The following PLEKHM3 variants were observed in gnomAD, a reference collection of about 807,000 sequenced individuals.
PLEKHM3 encodes the protein pleckstrin homology domain containing M3.
PLEKHM3 carries 45 observed loss-of-function variants against 81.8 expected under a neutral mutation model. The observed-to-expected ratio is 0.55, with a 90% confidence interval of 0.43 to 0.71. The LOEUF (loss-of-function observed/expected upper bound fraction) is 0.71, where lower values mean the gene tolerates loss of function less well. Ranked by LOEUF, PLEKHM3 falls within the 30% of genes least tolerant of loss-of-function variation. The pLI is 0.00. For missense variants in PLEKHM3, 788 were observed against 924.3 expected, an observed-to-expected ratio of 0.85 and a Z score of 1.91; for synonymous variants, 352 against 356.4, an observed-to-expected ratio of 0.99 and a Z score of 0.14.
intron 7 of PLEKHM3, among the ~76,000 whole-genome samples, chr2:207,860,725 G>A (rs933220651): frequency 3.3e-5 from 5 of 152,104 alleles, no homozygotes; most frequent in African/African-American, 7.2e-5. Flanking sequence ...TACCCCTGGC[G>A]GTCGGTCCAG....
At chr2:208,023,358 C>T (rs1386564301) in intron 1 of PLEKHM3, among the ~76,000 whole-genome samples, 2 of 150,004 alleles carry the variant, frequency 1.3e-5, no homozygotes, top group Non-Finnish European at 2.9e-5. Flanking sequence ...AGTACATTCA[C>T]ATTGTTGTGC....
chr2:207,947,410 T>C (rs1365223775), intron 3 of PLEKHM3, among the ~76,000 whole-genome samples: 2 of 152,222 alleles, frequency 1.3e-5, no homozygotes, highest in Admixed American at 6.5e-5. Flanking sequence ...GTAATAATCA[T>C]AGCCCTTCCA....
chr2:207,918,521 CAACAAACA>C (rs537716018), intron 5 of PLEKHM3, among the ~76,000 whole-genome samples: 2 of 151,600 alleles, frequency 1.3e-5, no homozygotes, highest in African/African-American at 4.8e-5. Context: ...GACTCTGTCT[CAACAAACA>C]AACAAACAAA....
chr2:207,873,930 A>T (rs1409788743), intron 6 of PLEKHM3, among the ~76,000 whole-genome samples: 3 of 152,210 alleles, frequency 2.0e-5, no homozygotes, highest in Admixed American at 1.3e-4. Flanking sequence ...TGATGAGGAA[A>T]AACAAGCCCT....
chr2:207,834,714 C>T (rs1250426975), intron 7 of PLEKHM3, among the ~76,000 whole-genome samples: 2 of 151,878 alleles, frequency 1.3e-5, no homozygotes, highest in Non-Finnish European at 2.9e-5. Flanking sequence ...CGTGAGCCAC[C>T]GTGCCCGGCC....
At chr2:207,973,487 C>G (rs1691194789) in intron 3 of PLEKHM3, among the ~76,000 whole-genome samples, 1 of 152,280 alleles carries the variant, frequency 6.6e-6, no homozygotes, top group African/African-American at 2.4e-5. Flanking sequence ...GCCTGTAATC[C>G]CAGCACTTTG....
chr2:208,000,903 A>G, intron 2 of PLEKHM3, 127 bp downstream of exon 2: 2 of 905,390 alleles, frequency 2.2e-6, no homozygotes, highest in Non-Finnish European at 3.2e-6. Context: ...AGCCAGATTA[A>G]GAGAGACAAA....
intron 7 of PLEKHM3, chr2:207,851,354 T>C (rs1046954607): frequency 8.5e-5 from 13 of 152,210 alleles, no homozygotes; most frequent in African/African-American, 3.1e-4. Context: ...AGCAGTTTTA[T>C]AATTCAGGAT....
intron 3 of PLEKHM3, among the ~76,000 whole-genome samples, chr2:207,956,822 G>A (rs1214372978): frequency 2.2e-5 from 3 of 138,696 alleles, no homozygotes; most frequent in African/African-American, 5.3e-5. Context: ...CTCCCGCCCT[G>A]GCCTCCCAAA....
chr2:207,947,149 A>G (rs1338147947), intron 3 of PLEKHM3, among the ~76,000 whole-genome samples: 1 of 152,072 alleles, frequency 6.6e-6, no homozygotes, highest in East Asian at 1.9e-4. Flanking sequence ...CCCTCCCACT[A>G]CTGTCCAATG....
intron 7 of PLEKHM3, among the ~76,000 whole-genome samples, chr2:207,856,444 A>G (rs1357425292): frequency 6.6e-6 from 1 of 152,242 alleles, no homozygotes; most frequent in South Asian, 2.1e-4. Flanking sequence ...TCACTGTCCT[A>G]CAAATCTCCT....
At position 208,001,378 on chromosome 2, in the gene PLEKHM3, C is replaced by T. The variant is rs766616904; in HGVS notation, c.262G>A (p.Val88Ile). 5.0e-6 allele frequency: 8 copies of T among 1,614,046 alleles called. No homozygotes were observed. Among genetic ancestry groups the T allele is most frequent in the Non-Finnish European group, 5.9e-6 (7 of 1,180,042 alleles). The stretch of plus-strand genomic sequence containing the variant: ...ATAAACTGTTCTTTGGCAGGGAAGA[C>T]ATTTTGAGCTTTGGTTTCTAAGAGC... ...SRLLETKAQN[V>I]FPAKEQFMVQ... The change falls in exon 2 of 8, where the codon GTC becomes ATC. Residue 88 changes from valine (V) to isoleucine (I), a missense_variant. By Grantham distance (29) the Val-to-Ile change is conservative (BLOSUM62 3). Transcript: ENST00000427836.
At chr2:207,898,204 G>T (rs1688304389) in intron 6 of PLEKHM3, among the ~76,000 whole-genome samples, 1 of 152,172 alleles carries the variant, frequency 6.6e-6, no homozygotes, top group African/African-American at 2.4e-5. Flanking sequence ...GTTTTGTTTG[G>T]CCTGCAGAGT....
chr2:207,964,435 C>A (rs1690845662), intron 3 of PLEKHM3, among the ~76,000 whole-genome samples: 1 of 152,154 alleles, frequency 6.6e-6, no homozygotes, highest in Non-Finnish European at 1.5e-5. Flanking sequence ...GGTGCTGGGG[C>A]CCTGCCCTCA....
Position 208,001,272 on chromosome 2 carries a change from C to T in PLEKHM3, c.368G>A (p.Cys123Tyr). Residue 123 changes from cysteine to tyrosine, a missense_variant, in exon 2 of 8, where the codon TGT becomes TAT. Coordinates refer to ENST00000427836, the MANE Select transcript of PLEKHM3 (RefSeq NM_001080475.3). The stretch of plus-strand genomic sequence containing the variant: ...ACGAGGCCGGTCCCTCCGACGCTGA[C>T]AGATATTGAAGAAATTAAAGGTTGA... ...EASTFNFFNICQRRRDRPRSV... is the reference protein window; with the variant it reads ...EASTFNFFNIYQRRRDRPRSV... The T allele has an allele frequency of 6.2e-7, 1 of 1,614,172 alleles. No homozygotes were observed.
At chr2:207,909,750 A>T (rs1230389272) in intron 5 of PLEKHM3, among the ~76,000 whole-genome samples, 1 of 152,236 alleles carries the variant, frequency 6.6e-6, no homozygotes. Context: ...TAAAGAAAAC[A>T]AAACAAAAAC....
At chr2:207,948,734 G>A (rs1239528452) in intron 3 of PLEKHM3, among the ~76,000 whole-genome samples, 3 of 152,050 alleles carry the variant, frequency 2.0e-5, no homozygotes, top group Admixed American at 6.5e-5. Flanking sequence ...TAGTAGAGAC[G>A]GGGTTTCACC....
At chr2:207,933,771 G>A (rs1244087691) in intron 4 of PLEKHM3, among the ~76,000 whole-genome samples, 4 of 152,220 alleles carry the variant, frequency 2.6e-5, no homozygotes, top group Admixed American at 1.3e-4. Context: ...AACAGAGCTC[G>A]TTTCAACCAT....
chr2:207,912,723 T>C (rs981251257), intron 5 of PLEKHM3, among the ~76,000 whole-genome samples: 1 of 152,276 alleles, frequency 6.6e-6, no homozygotes, highest in African/African-American at 2.4e-5. Flanking sequence ...TTAATGTAAA[T>C]AAAATAAGAA....
Sources: allele counts gnomAD v4.1 joint callset (sites outside exome capture counted in the v4.1 genomes callset), GRCh38; gene constraint gnomAD v4.1.1; transcripts MANE v1.5; gene names NCBI Gene and HGNC (gene_info 2026-07-23, HGNC 2026-07-21).